The following TPGS1 variants were observed in gnomAD, a reference collection of about 807,000 sequenced individuals.
The protein encoded by TPGS1 is tubulin polyglutamylase complex subunit 1, also known as gene trap ROSA b-geo 22.
TPGS1 carries 18 observed loss-of-function variants against 11.9 expected under a neutral mutation model. That is an observed-to-expected ratio of 1.51 (90% CI 1.04 to 2.24). TPGS1 has a LOEUF of 2.24. Among genes scored for constraint, TPGS1 ranks in the 30% most tolerant of loss-of-function variants. TPGS1 has a pLI of 0.00. For missense variants in TPGS1, 500 were observed against 443.0 expected (o/e 1.13, Z -1.16); for synonymous variants, 247 against 218.2 (o/e 1.13, Z -1.16).
At position 514,824 on chromosome 19, in the gene TPGS1, CA is replaced by C. The variant is rs376912631; in HGVS notation, c.339-4064del. On this transcript the variant is annotated intron_variant, in intron 1 of 1. Coordinates refer to ENST00000359315, the MANE Select transcript of TPGS1 (RefSeq NM_033513.3). ...CGGGAACTGATGGGGGGAGTGAGGC[CA>C]GGGGGTTAAGCAGCCCACCCAGGGT... 1.4e-3 allele frequency among the ~76,000 whole-genome samples: 208 copies of C among 152,296 alleles called. 1 individual carries two copies. Among genetic ancestry groups the C allele is most frequent in the African/African-American group, 4.8e-3 (201 of 41,562 alleles).
Position 519,525 on chromosome 19 carries a change from G to A in TPGS1, c.*102G>A. ...CCTGGTGAGGCCCTGCCATAACCAGGCGCCCAGCCCTGCGGAGGAGGCCGG... is the reference window on the plus strand; with the variant it reads ...CCTGGTGAGGCCCTGCCATAACCAGACGCCCAGCCCTGCGGAGGAGGCCGG... On this transcript the variant is annotated 3_prime_UTR_variant, in exon 2 of 2. Transcript: ENST00000359315. The A allele has an allele frequency of 3.7e-6, 4 of 1,079,336 alleles. No homozygotes were observed. The highest frequency in any genetic ancestry group is 3.4e-6 in the Non-Finnish European group (3 of 870,498). The allele number at this position is 1,079,336 out of a possible 1,614,324, so 66.9% of individuals were successfully genotyped here.
In TPGS1 at chr19:519,452, T is replaced by C; in HGVS notation, c.*29T>C. 8.4e-7 allele frequency: 1 copy of C among 1,194,746 alleles called. No homozygotes were observed. The highest frequency in any genetic ancestry group is 1.0e-6 in the Non-Finnish European group (1 of 962,910). The allele number at this position is 1,194,746 out of a possible 1,614,324, so 74.0% of individuals were successfully genotyped here. On this transcript the variant is annotated 3_prime_UTR_variant, in exon 2 of 2. Coordinates refer to ENST00000359315, the MANE Select transcript of TPGS1 (RefSeq NM_033513.3). Reference sequence around the variant, plus strand: ...CCGTGGGCCGCGCGGATCCGGGATCTGCGCTGGGGGGTCCCCGCGTGCGGG... The same window carrying C: ...CCGTGGGCCGCGCGGATCCGGGATCCGCGCTGGGGGGTCCCCGCGTGCGGG...
At chr19:518,472 G>A (rs1319141595) in intron 1 of TPGS1, among the ~76,000 whole-genome samples, 1 of 115,924 alleles carries the variant, frequency 8.6e-6, no homozygotes, top group Non-Finnish European at 1.8e-5. Flanking sequence ...GCTGGGAGGG[G>A]GCTGAGAGGA....
intron 1 of TPGS1, among the ~76,000 whole-genome samples, chr19:517,284 G>T (rs1978980689): frequency 6.9e-6 from 1 of 144,376 alleles, no homozygotes. Flanking sequence ...GGGGAAGGCA[G>T]TGTCACGGCC....
At position 519,573 on chromosome 19, in the gene TPGS1, G is replaced by A. The variant is rs902178081; in HGVS notation, c.*150G>A. The A allele has an allele frequency of 5.3e-4, 370 of 694,108 alleles. 1 individual carries two copies. The highest frequency in any genetic ancestry group is 8.0e-4 in the South Asian group (11 of 13,790). The allele number at this position is 694,108 out of a possible 1,614,324, so 43.0% of individuals were successfully genotyped here. A position where few individuals can be genotyped will look rare whatever the true frequency, so the allele number is the denominator to read the frequency against. ...CGGGGCTCCCAGGAAGCGGACGCCC[G>A]GTCCCCACACAGCGCCGCGGCCGCC... is the stretch of plus-strand genomic sequence containing the variant. On this transcript the variant is annotated 3_prime_UTR_variant, in exon 2 of 2. Transcript: ENST00000359315.
chr19:510,811 C>T (rs768157662), intron 1 of TPGS1, among the ~76,000 whole-genome samples: 8 of 152,220 alleles, frequency 5.3e-5, no homozygotes, highest in Non-Finnish European at 7.3e-5. Flanking sequence ...GAAAACGAAG[C>T]CCCAGCTGAT....
In TPGS1 at chr19:512,432, G is replaced by A. The variant is rs111869881; in HGVS notation, c.338+4588G>A. On this transcript the variant is annotated intron_variant, in intron 1 of 1. Transcript: ENST00000359315. The stretch of plus-strand genomic sequence containing the variant: ...CCTGCCTCGGCCTCCCAAAGTGCTG[G>A]GCTCACAGGCAGGAGCCACGGCACC... 1.0e-3 allele frequency among the ~76,000 whole-genome samples: 159 copies of A among 152,338 alleles called. 1 individual carries two copies. Among genetic ancestry groups the A allele is most frequent in the African/African-American group, 3.4e-3 (141 of 41,584 alleles).
chr19:510,926 G>A (rs141319490), intron 1 of TPGS1, among the ~76,000 whole-genome samples: 6 of 152,336 alleles, frequency 3.9e-5, no homozygotes, highest in South Asian at 4.1e-4. Context: ...GGAGCTCCCC[G>A]AGTCGTGACA....
At chr19:515,513 G>A (rs565896292) in intron 1 of TPGS1, among the ~76,000 whole-genome samples, 9 of 152,308 alleles carry the variant, frequency 5.9e-5, no homozygotes, top group Middle Eastern at 3.4e-3. Flanking sequence ...CGAGGTGGGC[G>A]GACCACGAGG....
rs759797224 is a variant in TPGS1 at position 519,211 on chromosome 19, G to A, written c.661G>A (p.Val221Met). 3 of 1,435,662 alleles carry A rather than the reference G, an allele frequency of 2.1e-6. No homozygotes were observed. The highest frequency in any genetic ancestry group is 2.7e-6 in the Non-Finnish European group (3 of 1,102,264). The allele number at this position is 1,435,662 out of a possible 1,614,324, so 88.9% of individuals were successfully genotyped here. Residue 221 changes from valine to methionine, a missense_variant, in exon 2 of 2, where the codon GTG (valine) becomes ATG (methionine). Physicochemically the swap from Val to Met is conservative, Grantham distance 21. Transcript: ENST00000359315. ...AVADRRVGQAVLDTLEGALQA... is the reference protein window; with the variant it reads ...AVADRRVGQAMLDTLEGALQA... ...GGCCGACCGCCGCGTGGGCCAGGCC[G>A]TGCTGGACACCCTGGAGGGCGCGCT... is the stretch of plus-strand genomic sequence containing the variant.
chr19:515,987 C>A (rs543122396), intron 1 of TPGS1, among the ~76,000 whole-genome samples: 1 of 150,482 alleles, frequency 6.6e-6, no homozygotes, highest in African/African-American at 2.4e-5. Context: ...AGCCGAGATC[C>A]CGCCACTGCA....
rs1029881069 is a variant in TPGS1 at position 507,535 on chromosome 19, C to T, written c.29C>T (p.Ala10Val). MAAVEKRRQAVPPPAGFTDS... is the reference protein window; with the variant it reads MAAVEKRRQVVPPPAGFTDS... ...GCGGCAGTGGAGAAGCGGCGGCAAG[C>T]GGTACCACCGCCGGCCGGTTTCACG... The change falls in exon 1 of 2, where the codon GCG becomes GTG. Residue 10 changes from alanine to valine, a missense_variant. Physicochemically the swap from Ala to Val is moderately conservative, Grantham distance 64. Transcript: ENST00000359315. The T allele has an allele frequency of 4.9e-6, 7 of 1,418,278 alleles. No homozygotes were observed. Among genetic ancestry groups the T allele is most frequent in the Non-Finnish European group, 5.5e-6 (6 of 1,082,314 alleles). 87.9% of individuals were successfully genotyped at this position (1,418,278 alleles called of 1,614,324 possible). A position where few individuals can be genotyped will look rare whatever the true frequency, so the allele number is the denominator to read the frequency against.
At chr19:516,412 TCTCG>T (rs1978956439) in intron 1 of TPGS1, among the ~76,000 whole-genome samples, 1 of 147,910 alleles carries the variant, frequency 6.8e-6, no homozygotes, top group Admixed American at 6.8e-5. Context: ...TGAGACGGAG[TCTCG>T]CTCTGTCGCC....
At chr19:516,094 A>C (rs796983447) in intron 1 of TPGS1, among the ~76,000 whole-genome samples, 11 of 152,050 alleles carry the variant, frequency 7.2e-5, no homozygotes, top group African/African-American at 2.4e-4. Context: ...CAGTTGTGTT[A>C]AATGTTGGGC....
rs1979075761 is a variant in TPGS1 at position 519,296 on chromosome 19, C to T, written c.746C>T (p.Pro249Leu). The T allele has an allele frequency of 7.6e-6, 9 of 1,189,248 alleles. No homozygotes were observed. The highest frequency in any genetic ancestry group is 9.4e-6 in the Non-Finnish European group (9 of 961,586). The allele number at this position is 1,189,248 out of a possible 1,614,324, so 73.7% of individuals were successfully genotyped here. A position where few individuals can be genotyped will look rare whatever the true frequency, so the allele number is the denominator to read the frequency against. Residue 249 changes from proline to leucine, a missense_variant, in exon 2 of 2, where the codon CCC becomes CTC. Coordinates refer to ENST00000359315, the MANE Select transcript of TPGS1 (RefSeq NM_033513.3). ...RFLEAGSRLG[P>L]DSLALALDRA... ...CTGGAGGCCGGCTCGCGCTTGGGGC[C>T]CGACAGCCTGGCGCTGGCGCTGGAC...
At chr19:515,777 A>C (rs1292561622) in intron 1 of TPGS1, among the ~76,000 whole-genome samples, 7 of 152,030 alleles carry the variant, frequency 4.6e-5, no homozygotes, top group Non-Finnish European at 8.8e-5. Context: ...TCACGCCTGT[A>C]ATCCCAGCAC....
At position 518,928 on chromosome 19, in the gene TPGS1, C is replaced by T; in HGVS notation, c.378C>T (p.Cys126=). 1 of 1,577,522 alleles carries T rather than the reference C, an allele frequency of 6.3e-7. No individual in the cohort carries two copies. Among genetic ancestry groups the T allele is most frequent in the East Asian group, 2.3e-5 (1 of 43,774 alleles). Residue 126 remains cysteine, a synonymous_variant, in exon 2 of 2, where the codon TGC becomes TGT. Coordinates refer to ENST00000359315, the MANE Select transcript of TPGS1 (RefSeq NM_033513.3). ...FNNNVSVAYE[C]LSAGGRRKRP... ...ACAACGTGAGCGTGGCCTACGAGTG[C>T]CTGAGCGCCGGCGGGCGCAGGAAGA...
At chr19:509,420 TG>T (rs1433623399) in intron 1 of TPGS1, 1 of 152,730 alleles carries the variant, frequency 6.5e-6, no homozygotes, top group Non-Finnish European at 1.5e-5. Flanking sequence ...CGAGGGCTGC[TG>T]GAACAAATTA....
intron 1 of TPGS1, among the ~76,000 whole-genome samples, chr19:515,713 GACA>G (rs564494725): frequency 1.7e-3 from 261 of 150,428 alleles, no homozygotes; most frequent in African/African-American, 6.0e-3. Flanking sequence ...ACTCCAGCCT[GACA>G]ACAGAGTGAG....
Sources: gnomAD v4.1 joint callset for allele counts (sites outside exome capture counted in the v4.1 genomes callset) on GRCh38, gnomAD v4.1.1 for gene constraint, MANE v1.5 for transcripts, NCBI Gene and HGNC (gene_info 2026-07-23, HGNC 2026-07-21) for gene names.